Variants in PDE4D observed in about 807,000 individuals in gnomAD.
The protein encoded by PDE4D is 3',5'-cyclic-AMP phosphodiesterase 4D.
A neutral mutation model predicts 87.4 loss-of-function variants in PDE4D; 24 were observed. The ratio of observed to expected loss-of-function variants is 0.27; its 90% confidence interval spans 0.20 to 0.39. The LOEUF is 0.39. Among genes scored for constraint, PDE4D ranks in the 10% least tolerant of loss-of-function variants. The probability of loss-of-function intolerance (pLI) is 1.00; values close to 1 mark genes in which losing one functional copy is unlikely to be tolerated. For synonymous variants in PDE4D, 384 were observed against 383.2 expected, an observed-to-expected ratio of 1.00 and a Z score of -0.02; for missense variants, 714 against 1,041.0, an observed-to-expected ratio of 0.69 and a Z score of 4.32.
At chr5:59,959,786 C>T (rs1241267996) in intron 3 of PDE4D, among the ~76,000 whole-genome samples, 3 of 152,004 alleles carry the variant, frequency 2.0e-5, no homozygotes, top group African/African-American at 7.2e-5. Context: ...CTGGCCTAGG[C>T]AAAGATTTTA....
chr5:60,252,598 C>T (rs1266926496), intron 1 of PDE4D, among the ~76,000 whole-genome samples: 1 of 151,652 alleles, frequency 6.6e-6, no homozygotes, highest in African/African-American at 2.4e-5. Flanking sequence ...GGGGTATGGG[C>T]TGATAATGAG....
At chr5:60,296,299 G>A (rs931466316) in intron 1 of PDE4D, among the ~76,000 whole-genome samples, 7 of 152,088 alleles carry the variant, frequency 4.6e-5, no homozygotes, top group Non-Finnish European at 7.4e-5. Flanking sequence ...AGTATTCTTG[G>A]GCCTCTAGGC....
At chr5:59,365,928 T>C (rs951911857) in intron 1 of PDE4D, among the ~76,000 whole-genome samples, 1 of 152,206 alleles carries the variant, frequency 6.6e-6, no homozygotes, top group African/African-American at 2.4e-5. Flanking sequence ...AGTCCTGGAA[T>C]AGTCCAGAAT....
rs180765423 is a variant in PDE4D at position 59,308,741 on chromosome 5, C to T, written c.456-92773G>A. Among the ~76,000 whole-genome samples, 190 of 152,140 alleles carry T rather than the reference C, an allele frequency of 1.2e-3. 2 individuals carry two copies. Among genetic ancestry groups the T allele is most frequent in the African/African-American group, 4.4e-3 (182 of 41,494 alleles). On this transcript the variant is annotated intron_variant, in intron 1 of 14. Transcript: ENST00000340635. ...CTCTATTTTTGTGCTGGCTGGTCTC[C>T]TGCCAGGAGGTGTTGCCTTCCAGAG...
At chr5:59,410,179 C>A (rs1012824558) in intron 1 of PDE4D, among the ~76,000 whole-genome samples, 29 of 152,188 alleles carry the variant, frequency 1.9e-4, no homozygotes, top group African/African-American at 7.0e-4. Context: ...TCTTCCTCCC[C>A]ACTACCCTTC....
Position 59,194,399 on chromosome 5 carries a change from T to C in PDE4D, c.648-863A>G, listed in dbSNP as rs368919171. Among the ~76,000 whole-genome samples the C allele has an allele frequency of 2.9e-4, 44 of 152,282 alleles. 1 individual carries two copies. The highest frequency in any genetic ancestry group is 1.0e-3 in the African/African-American group (42 of 41,560). On this transcript the variant is annotated intron_variant, in intron 2 of 14. Coordinates refer to ENST00000340635, the MANE Select transcript of PDE4D (RefSeq NM_001104631.2). ...ACAGACAGCTCCCTGGACATGGCCC[T>C]GAGAACAGTGCAAATAAACTTTTCG...
intron 1 of PDE4D, among the ~76,000 whole-genome samples, chr5:60,345,446 T>TAATA (rs35806424): frequency 0.2 from 29,149 of 148,308 alleles, 3,228 homozygotes; most frequent in South Asian, 0.36. Flanking sequence ...TAAAGTATAA[T>TAATA]AATAAATAAA....
chr5:59,405,549 A>G (rs750602747), intron 1 of PDE4D, among the ~76,000 whole-genome samples: 31 of 152,116 alleles, frequency 2.0e-4, no homozygotes, highest in Non-Finnish European at 4.1e-4. Flanking sequence ...TTCCTTTCCA[A>G]TTTGAATATC....
At chr5:59,314,961 G>A (rs1257677748) in intron 1 of PDE4D, among the ~76,000 whole-genome samples, 6 of 152,146 alleles carry the variant, frequency 3.9e-5, no homozygotes, top group Admixed American at 2.0e-4. Flanking sequence ...GCACTGCGAC[G>A]ATGGGGTAAA....
intron 1 of PDE4D, among the ~76,000 whole-genome samples, chr5:59,622,981 C>A (rs1366907780): frequency 2.0e-5 from 3 of 152,094 alleles, no homozygotes; most frequent in African/African-American, 4.8e-5. Context: ...CTTGCTCTTA[C>A]CATATTTCAT....
intron 6 of PDE4D, among the ~76,000 whole-genome samples, chr5:59,021,290 T>G (rs966852046): frequency 1.3e-5 from 2 of 152,134 alleles, no homozygotes; most frequent in African/African-American, 4.8e-5. Context: ...TAGGCTATCA[T>G]AGAGTGCTGG....
intron 1 of PDE4D, among the ~76,000 whole-genome samples, chr5:59,383,228 A>C (rs1244487290): frequency 6.6e-6 from 1 of 152,074 alleles, no homozygotes; most frequent in Non-Finnish European, 1.5e-5. Context: ...CATCCCATAT[A>C]TTCACATGAT....
intron 1 of PDE4D, among the ~76,000 whole-genome samples, chr5:59,634,468 T>C (rs1197345305): frequency 6.6e-6 from 1 of 152,162 alleles, no homozygotes; most frequent in Non-Finnish European, 1.5e-5. Context: ...TATTCTAAAA[T>C]TGACCACATA....
At chr5:60,104,256 T>C (rs1776584159) in intron 2 of PDE4D, among the ~76,000 whole-genome samples, 1 of 152,210 alleles carries the variant, frequency 6.6e-6, no homozygotes, top group Admixed American at 6.5e-5. Flanking sequence ...TCTCGCTGAT[T>C]GCTAGCACAG....
chr5:59,852,514 G>A (rs1282488561), intron 1 of PDE4D, among the ~76,000 whole-genome samples: 2 of 152,044 alleles, frequency 1.3e-5, no homozygotes, highest in African/African-American at 2.4e-5. Flanking sequence ...CCAGCCATGT[G>A]AGGGAGCCAT....
rs189545582 is a variant in PDE4D, at chr5:59,178,830, G to A, written c.808+1765C>T. ...GTTCTTGCTTATTGCAAAATTGGGG[G>A]TTGAGGGTAGTTCCTCTTGATAGGG... is the stretch of plus-strand genomic sequence containing the variant. On this transcript the variant is annotated intron_variant, in intron 5 of 14. Coordinates refer to ENST00000340635, the MANE Select transcript of PDE4D (RefSeq NM_001104631.2). Among the ~76,000 whole-genome samples, 94 of 152,278 alleles carry A rather than the reference G, an allele frequency of 6.2e-4. 1 individual carries two copies. The highest frequency in any genetic ancestry group is 1.3e-3 in the Non-Finnish European group (87 of 68,014).
chr5:60,063,139 A>G (rs1771646923), intron 2 of PDE4D, among the ~76,000 whole-genome samples: 1 of 151,050 alleles, frequency 6.6e-6, no homozygotes, highest in Non-Finnish European at 1.5e-5. Context: ...AGAAAGAAAG[A>G]AAGAAAGAAA....
At chr5:60,520,302 C>T (rs1241482101) in intron 1 of PDE4D, among the ~76,000 whole-genome samples, 2 of 152,196 alleles carry the variant, frequency 1.3e-5, no homozygotes, top group African/African-American at 2.4e-5. Flanking sequence ...CAGTGGAATG[C>T]TCTCCCATGT....
chr5:59,509,857 G>A (rs1355305035), intron 1 of PDE4D, among the ~76,000 whole-genome samples: 1 of 146,912 alleles, frequency 6.8e-6, no homozygotes, highest in African/African-American at 2.5e-5. Flanking sequence ...TTTATATTAA[G>A]TTATAAATAT....
Sources: allele counts gnomAD v4.1 joint callset (sites outside exome capture counted in the v4.1 genomes callset), GRCh38; gene constraint gnomAD v4.1.1; transcripts MANE v1.5; gene names NCBI Gene and HGNC (gene_info 2026-07-23, HGNC 2026-07-21).